TRIT1: variants seen among roughly 807,000 people sequenced by gnomAD.
The protein encoded by TRIT1 is tRNA dimethylallyltransferase.
In TRIT1, 43 loss-of-function variants were observed where a neutral mutation model predicts 51.2. The observed-to-expected ratio is 0.84, with a 90% CI of 0.66 to 1.08. The LOEUF is 1.08. TRIT1 is among the 50% of genes least tolerant of loss of function. The pLI is 0.00. For synonymous variants in TRIT1, 184 were observed against 203.9 expected (o/e 0.90, Z 0.83); for missense variants, 528 against 578.4 (o/e 0.91, Z 0.89).
At chr1:39,879,664 A>G (rs902797939) in intron 1 of TRIT1, among the ~76,000 whole-genome samples, 5 of 151,326 alleles carry the variant, frequency 3.3e-5, no homozygotes, top group Non-Finnish European at 5.9e-5. Context: ...ACCTGAGGTC[A>G]GGAATTCCAG....
At chr1:39,861,284 T>A (rs570231811) in intron 1 of TRIT1, among the ~76,000 whole-genome samples, 55 of 152,184 alleles carry the variant, frequency 3.6e-4, no homozygotes, top group African/African-American at 1.3e-3. Context: ...ATCCCAACAT[T>A]TTGGAAGACT....
intron 1 of TRIT1, among the ~76,000 whole-genome samples, chr1:39,879,243 C>T (rs540831064): frequency 4.3e-4 from 66 of 151,888 alleles, no homozygotes; most frequent in Middle Eastern, 3.4e-3. Context: ...GGTGACAGAG[C>T]GAGACTCCAT....
intron 4 of TRIT1, 125 bp from the exon 5 acceptor site, chr1:39,850,386 C>T (rs947071990): frequency 3.4e-5 from 43 of 1,248,504 alleles, no homozygotes; most frequent in African/African-American, 9.0e-5. Context: ...AAGCCAGTCA[C>T]GACAGTGTGC....
intron 1 of TRIT1, among the ~76,000 whole-genome samples, chr1:39,868,328 G>A (rs926781877): frequency 1.3e-5 from 2 of 152,106 alleles, no homozygotes; most frequent in Admixed American, 1.3e-4. Flanking sequence ...TCTGATAAAG[G>A]ATTTATACCC....
rs1652506778 is a variant in TRIT1, at chr1:39,840,349, TCTC to T, written c.*1392_*1394del. Among the ~76,000 whole-genome samples, 1 of 152,308 alleles carries T rather than the reference TCTC, an allele frequency of 6.6e-6. No homozygotes were observed. Among genetic ancestry groups the T allele is most frequent in the South Asian group, 2.1e-4 (1 of 4,830 alleles). On this transcript the variant is annotated 3_prime_UTR_variant, in exon 11 of 11. Coordinates refer to ENST00000316891, the MANE Select transcript of TRIT1 (RefSeq NM_017646.6). ...GTTAGATAGTTTTTTTACTCTACCTTCTCCTCTATGAAGTCTTATATGCATAGG... is the reference window on the plus strand; with the variant it reads ...GTTAGATAGTTTTTTTACTCTACCTTCTCTATGAAGTCTTATATGCATAGG...
In TRIT1 at chr1:39,883,468, T is replaced by C. The variant is rs1339405409; in HGVS notation, c.24A>G (p.Arg8=). 3 of 1,596,622 alleles carry C rather than the reference T, an allele frequency of 1.9e-6. No individual in the cohort carries two copies. Among genetic ancestry groups the C allele is most frequent in the Non-Finnish European group, 2.6e-6 (3 of 1,166,396 alleles). The change falls in exon 1 of 11, where the codon CGA becomes CGG. Residue 8 remains arginine (R), a synonymous_variant. Transcript: ENST00000316891. ...TGAGCCCACTGCCCACGGGAACTGC[T>C]CGTGCAGCCGCCACGGACGCCATCT... MASVAAA[R]AVPVGSGLRG...
At chr1:39,851,997 T>C (rs1642605061) in intron 4 of TRIT1, among the ~76,000 whole-genome samples, 1 of 150,990 alleles carries the variant, frequency 6.6e-6, no homozygotes, top group Non-Finnish European at 1.5e-5. Flanking sequence ...TTAAATCCTA[T>C]ATTCTAACAT....
chr1:39,862,912 C>T lies in TRIT1; in HGVS notation c.175-5495G>A, dbSNP rs1003941312. On this transcript the variant is annotated intron_variant, in intron 1 of 10. Transcript: ENST00000316891. Reference sequence around the variant, plus strand: ...AGCATGCCACTCTGCTCCATTTCCCCTTCTCCCAAAGGATACTTGTGATCT... The same window carrying T: ...AGCATGCCACTCTGCTCCATTTCCCTTTCTCCCAAAGGATACTTGTGATCT... The T allele has an allele frequency of 1.1e-5, 11 of 985,310 alleles. No homozygotes were observed. In the African/African-American group the frequency reaches 1.9e-4, roughly 17 times the overall value. The allele number at this position is 985,310 out of a possible 1,614,324, so 61.0% of individuals were successfully genotyped here.
intron 1 of TRIT1, among the ~76,000 whole-genome samples, chr1:39,876,631 A>G (rs1240960311): frequency 2.0e-5 from 3 of 152,034 alleles, no homozygotes; most frequent in African/African-American, 2.4e-5. Context: ...CAGTCCTTCT[A>G]AAAGACTGCC....
chr1:39,871,955 G>A (rs1232768663), intron 1 of TRIT1, among the ~76,000 whole-genome samples: 6 of 152,068 alleles, frequency 3.9e-5, no homozygotes, highest in Non-Finnish European at 8.8e-5. Context: ...CCAGGCTAGA[G>A]TGCAGTGGCA....
At chr1:39,878,882 A>G (rs1644153150) in intron 1 of TRIT1, among the ~76,000 whole-genome samples, 1 of 152,186 alleles carries the variant, frequency 6.6e-6, no homozygotes, top group Non-Finnish European at 1.5e-5. Context: ...TATCACTATG[A>G]ATTAACACTG....
chr1:39,880,611 C>T (rs1644227440), intron 1 of TRIT1, among the ~76,000 whole-genome samples: 1 of 151,884 alleles, frequency 6.6e-6, no homozygotes, highest in Non-Finnish European at 1.5e-5. Context: ...CTAGCCTGGC[C>T]AACATGATGA....
chr1:39,852,975 G>T (rs755287362), intron 3 of TRIT1, 99 bp from the exon 4 acceptor site: 55 of 1,342,218 alleles, frequency 4.1e-5, no homozygotes, highest in Non-Finnish European at 4.8e-5. Flanking sequence ...AGAATAATCA[G>T]AAGATCTTGC....
rs909658376 is a variant in TRIT1, at chr1:39,841,586, G to A, written c.*158C>T. 5 of 669,844 alleles carry A rather than the reference G, an allele frequency of 7.5e-6. No individual in the cohort carries two copies. The highest frequency in any genetic ancestry group is 5.6e-5 in the East Asian group (2 of 35,894). 41.5% of individuals were successfully genotyped at this position (669,844 alleles called of 1,614,324 possible). A position where few individuals can be genotyped will look rare whatever the true frequency, so the allele number is the denominator to read the frequency against. On this transcript the variant is annotated 3_prime_UTR_variant, in exon 11 of 11. Transcript: ENST00000316891. ...ACCTGCTGTTTCTATTATAGAGAAC[G>A]TGAGACTTTAAAACCACATCAAAAG...
chr1:39,850,033 C>A, intron 5 of TRIT1, 86 bp downstream of exon 5: 2 of 1,437,100 alleles, frequency 1.4e-6, no homozygotes, highest in Non-Finnish European at 1.9e-6. Flanking sequence ...TTATGAGCCA[C>A]CCATGGTTCT....
intron 1 of TRIT1, among the ~76,000 whole-genome samples, chr1:39,881,357 A>T (rs1364595289): frequency 1.3e-5 from 2 of 152,136 alleles, no homozygotes; most frequent in Non-Finnish European, 2.9e-5. Flanking sequence ...CAGACCACAG[A>T]TCTACTATTA....
chr1:39,847,893 A>G (rs906728707), intron 6 of TRIT1, 93 bp downstream of exon 6: 2 of 1,380,586 alleles, frequency 1.4e-6, no homozygotes, highest in Non-Finnish European at 2.0e-6. Context: ...GAAGGCTGAT[A>G]AACAAGTAGA....
Position 39,853,999 on chromosome 1 carries a change from G to C in TRIT1, c.385C>G (p.Leu129Val). 1 of 1,613,498 alleles carries C rather than the reference G, an allele frequency of 6.2e-7. No individual in the cohort carries two copies. The highest frequency in any genetic ancestry group is 8.5e-7 in the Non-Finnish European group (1 of 1,179,794). ...GTATTGACAAGAACTTTCCAGAGCA[G>C]AGATTCAATGTAATAATTGGTTCCT... is the stretch of plus-strand genomic sequence containing the variant. ...VGGTNYYIESLLWKVLVNTKP... is the reference protein window; with the variant it reads ...VGGTNYYIESVLWKVLVNTKP... Residue 129 changes from leucine to valine, a missense_variant, in exon 3 of 11, where the codon CTG (leucine) becomes GTG (valine). Leu to Val is a conservative substitution (Grantham distance 32). Coordinates refer to ENST00000316891, the MANE Select transcript of TRIT1 (RefSeq NM_017646.6).
At chr1:39,849,606 G>C (rs1030331866) in intron 5 of TRIT1, among the ~76,000 whole-genome samples, 3 of 152,210 alleles carry the variant, frequency 2.0e-5, no homozygotes, top group Non-Finnish European at 4.4e-5. Flanking sequence ...GAAAGGCACT[G>C]TCTCTTCAAC....
Sources: gnomAD v4.1 joint callset for allele counts (sites outside exome capture counted in the v4.1 genomes callset) on GRCh38, gnomAD v4.1.1 for gene constraint, MANE v1.5 for transcripts, NCBI Gene and HGNC (gene_info 2026-07-23, HGNC 2026-07-21) for gene names.